The following DLGAP2 variants were observed in gnomAD, a reference collection of about 807,000 sequenced individuals.
DLGAP2 encodes disks large-associated protein 2.
A neutral mutation model predicts 100.3 loss-of-function variants in DLGAP2; 26 were observed. The ratio of observed to expected loss-of-function variants is 0.26; its 90% CI spans 0.19 to 0.36. The LOEUF is 0.36. Ranked by LOEUF, DLGAP2 falls within the 10% of genes least tolerant of loss-of-function variation. The pLI is 1.00. For synonymous variants in DLGAP2, 886 were observed against 630.1 expected (o/e 1.41, Z -6.08); for missense variants, 1,858 against 1,453.2 (o/e 1.28, Z -4.53).
chr8:1,200,275 C>G (rs773498981), intron 2 of DLGAP2, among the ~76,000 whole-genome samples: 1 of 152,198 alleles, frequency 6.6e-6, no homozygotes, highest in Non-Finnish European at 1.5e-5. Context: ...CTTCATGCGC[C>G]GTCTCCAGCC....
At chr8:1,552,403 C>G (rs757856859) in intron 5 of DLGAP2, among the ~76,000 whole-genome samples, 5 of 152,234 alleles carry the variant, frequency 3.3e-5, no homozygotes, top group Non-Finnish European at 7.3e-5. Context: ...TCACTGTCCC[C>G]CAGTGGTTGC....
At chr8:1,563,233 T>C (rs866275652) in intron 5 of DLGAP2, among the ~76,000 whole-genome samples, 1 of 32,314 alleles carries the variant, frequency 3.1e-5, no homozygotes, top group Non-Finnish European at 5.7e-5. Context: ...TTGGAGTGTC[T>C]GCGCCTCGTT....
At chr8:1,566,849 A>G (rs1007448318) in intron 6 of DLGAP2, among the ~76,000 whole-genome samples, 5 of 152,254 alleles carry the variant, frequency 3.3e-5, no homozygotes. Context: ...AAATCTTACA[A>G]ATTAGAACTT....
chr8:1,127,469 C>T (rs149014664), intron 2 of DLGAP2, among the ~76,000 whole-genome samples: 14 of 152,254 alleles, frequency 9.2e-5, no homozygotes, highest in African/African-American at 2.6e-4. Context: ...CACGTTAGAG[C>T]CTCGCGTTGC....
chr8:1,288,169 G>T (rs1223573190), intron 3 of DLGAP2, among the ~76,000 whole-genome samples: 2 of 128,546 alleles, frequency 1.6e-5, no homozygotes. Flanking sequence ...TTTCTGTTAG[G>T]AGGGGAACTA....
At chr8:1,695,589 G>A (rs949992447) in intron 13 of DLGAP2, among the ~76,000 whole-genome samples, 1 of 150,118 alleles carries the variant, frequency 6.7e-6, no homozygotes, top group African/African-American at 2.5e-5. Context: ...AGGGGGCACA[G>A]CCTTGCCCGG....
Position 1,107,234 on chromosome 8 carries a change from G to A in DLGAP2, c.74-151617G>A, listed in dbSNP as rs146878517. On this transcript the variant is annotated intron_variant, in intron 2 of 14. Coordinates refer to ENST00000637795, the MANE Select transcript of DLGAP2 (RefSeq NM_001346810.2). Reference sequence around the variant, plus strand: ...GCTCCAAGACTTGGTTTTCTCATCTGTAAAATGGAGACAATAGCTCACAGA... The same window carrying A: ...GCTCCAAGACTTGGTTTTCTCATCTATAAAATGGAGACAATAGCTCACAGA... Among the ~76,000 whole-genome samples, 73 of 152,320 alleles carry A rather than the reference G, an allele frequency of 4.8e-4. No individual in the cohort carries two copies. The East Asian group carries it at 0.014, about 29-fold the overall frequency.
At chr8:850,442 C>A (rs1797164672) in intron 1 of DLGAP2, among the ~76,000 whole-genome samples, 1 of 152,068 alleles carries the variant, frequency 6.6e-6, no homozygotes, top group Admixed American at 6.5e-5. Flanking sequence ...ATCAAATTTG[C>A]TTTTAAGTGT....
chr8:1,630,942 C>G (rs4876112), intron 7 of DLGAP2, among the ~76,000 whole-genome samples: 24 of 119,980 alleles, frequency 2.0e-4, no homozygotes, highest in East Asian at 6.1e-4. Flanking sequence ...CCGAGGGTCT[C>G]GGCGGGAGGT....
At chr8:1,417,363 A>G (rs1167696817) in intron 3 of DLGAP2, among the ~76,000 whole-genome samples, 1 of 152,070 alleles carries the variant, frequency 6.6e-6, no homozygotes, top group Non-Finnish European at 1.5e-5. Context: ...CCTTGAAGCT[A>G]GCAGCACTGT....
At chr8:1,110,901 G>T (rs1405608046) in intron 2 of DLGAP2, among the ~76,000 whole-genome samples, 1 of 152,044 alleles carries the variant, frequency 6.6e-6, no homozygotes, top group Admixed American at 6.5e-5. Flanking sequence ...GCCCTTCCCT[G>T]TGGATGGTGC....
chr8:1,688,813 C>T (rs1291794233), intron 12 of DLGAP2, among the ~76,000 whole-genome samples: 1 of 152,136 alleles, frequency 6.6e-6, no homozygotes, highest in African/African-American at 2.4e-5. Context: ...AGGGAGGCAC[C>T]GCACACACTG....
chr8:995,280 C>G (rs918768198), intron 2 of DLGAP2, among the ~76,000 whole-genome samples: 16 of 152,222 alleles, frequency 1.1e-4, no homozygotes, highest in African/African-American at 3.4e-4. Flanking sequence ...AATAAGCACT[C>G]TGGTTTCTGT....
chr8:1,476,655 C>G (rs888694876), intron 3 of DLGAP2, among the ~76,000 whole-genome samples: 9 of 152,152 alleles, frequency 5.9e-5, no homozygotes, highest in Non-Finnish European at 1.3e-4. Flanking sequence ...CCCGTGATGG[C>G]TGACTGCTGT....
At position 1,294,518 on chromosome 8, in the gene DLGAP2, C is replaced by T. The variant is rs77848094; in HGVS notation, c.106+35635C>T. Among the ~76,000 whole-genome samples the T allele has an allele frequency of 9.8e-3, 1,499 of 152,282 alleles. 24 individuals are homozygous for T. Among genetic ancestry groups the T allele is most frequent in the African/African-American group, 0.034 (1,424 of 41,550 alleles). On this transcript the variant is annotated intron_variant, in intron 3 of 14. Coordinates refer to ENST00000637795, the MANE Select transcript of DLGAP2 (RefSeq NM_001346810.2). ...TTGGTGATGGAGGTGCATTTCTCTC[C>T]TGCGATTTTGTGAGCTCTTTACAGC...
intron 2 of DLGAP2, among the ~76,000 whole-genome samples, chr8:1,072,455 G>A (rs935821): frequency 0.33 from 50,904 of 152,084 alleles, 9,393 homozygotes; most frequent in East Asian, 0.47. Flanking sequence ...TGTTCTTGGA[G>A]ACTTGAAATG....
intron 3 of DLGAP2, among the ~76,000 whole-genome samples, chr8:1,482,308 G>A (rs890645872): frequency 1.6e-4 from 24 of 152,234 alleles, no homozygotes; most frequent in African/African-American, 5.5e-4. Flanking sequence ...GGACAGCACC[G>A]TGGTCAACGC....
At chr8:1,315,469 G>A (rs1345889683) in intron 3 of DLGAP2, among the ~76,000 whole-genome samples, 5 of 141,874 alleles carry the variant, frequency 3.5e-5, no homozygotes, top group South Asian at 2.3e-4. Flanking sequence ...GTCTACACTC[G>A]AGAAACTCGG....
chr8:894,234 A>G (rs569040446), intron 1 of DLGAP2, among the ~76,000 whole-genome samples: 8 of 152,204 alleles, frequency 5.3e-5, no homozygotes, highest in African/African-American at 1.9e-4. Flanking sequence ...GGAATGAGTG[A>G]TCTTTGTGGC....
Sources: allele counts gnomAD v4.1 joint callset (sites outside exome capture counted in the v4.1 genomes callset), GRCh38; gene constraint gnomAD v4.1.1; transcripts MANE v1.5; gene names NCBI Gene and HGNC (gene_info 2026-07-23, HGNC 2026-07-21).